Variants in C3orf52 observed in about 807,000 individuals in gnomAD.
C3orf52 encodes TPA-induced transmembrane protein.
C3orf52 carries 22 observed loss-of-function variants against 24.8 expected under a neutral mutation model. The ratio of observed to expected loss-of-function variants is 0.89; its 90% CI spans 0.63 to 1.27. The LOEUF is 1.27. Among genes scored for constraint, C3orf52 ranks in the 50% most tolerant of loss-of-function variants. The pLI, the probability that C3orf52 is intolerant of heterozygous loss-of-function variation, is 0.00. For synonymous variants in C3orf52, 93 were observed against 100.2 expected, an observed-to-expected ratio of 0.93 and a Z score of 0.43; for missense variants, 265 against 260.7, an observed-to-expected ratio of 1.02 and a Z score of -0.11.
At chr3:112,124,683 CTA>C (rs1404878805) in intron 4 of C3orf52, among the ~76,000 whole-genome samples, 1 of 152,098 alleles carries the variant, frequency 6.6e-6, no homozygotes, top group Non-Finnish European at 1.5e-5. Flanking sequence ...TAATTACCCT[CTA>C]GAGATATTTA....
At chr3:112,128,399 A>G (rs1391723257) in exon 5 of C3orf52, 2 of 423,728 alleles carry the variant, frequency 4.7e-6, no homozygotes, top group African/African-American at 2.0e-5. Flanking sequence ...AAGTGTATGG[A>G]AATTTTACAA....
intron 2 of C3orf52, among the ~76,000 whole-genome samples, chr3:112,098,075 T>C (rs2073940648): frequency 1.3e-5 from 2 of 152,252 alleles, no homozygotes; most frequent in African/African-American, 4.8e-5. Flanking sequence ...GGATTCTTGC[T>C]ACTTCATTTA....
At chr3:112,108,934 G>A (rs543901935) in intron 3 of C3orf52, among the ~76,000 whole-genome samples, 9 of 152,218 alleles carry the variant, frequency 5.9e-5, no homozygotes, top group African/African-American at 2.2e-4. Context: ...TTAAAGGGCT[G>A]AACCCAATAT....
chr3:112,133,469 T>C, downstream of C3orf52: 1 of 223,092 alleles, frequency 4.5e-6, no homozygotes, highest in Non-Finnish European at 8.8e-6. Context: ...TATTTACGTT[T>C]ATAAATCACG....
chr3:112,107,380 C>A (rs948067936), intron 3 of C3orf52, among the ~76,000 whole-genome samples: 1 of 152,198 alleles, frequency 6.6e-6, no homozygotes, highest in South Asian at 2.1e-4. Flanking sequence ...ACAGCATCCC[C>A]GTGAAAGCTG....
intron 1 of C3orf52, among the ~76,000 whole-genome samples, chr3:112,092,318 T>A (rs889195126): frequency 6.6e-6 from 1 of 152,242 alleles, no homozygotes; most frequent in Non-Finnish European, 1.5e-5. Flanking sequence ...AAGTGGTATA[T>A]CTTGGTTTGG....
intron 1 of C3orf52, among the ~76,000 whole-genome samples, chr3:112,088,807 A>G (rs144479943): frequency 8.3e-4 from 126 of 152,344 alleles, no homozygotes; most frequent in African/African-American, 2.8e-3. Flanking sequence ...TAGGCAATTT[A>G]AGTGAGCTAG....
intron 3 of C3orf52, among the ~76,000 whole-genome samples, chr3:112,103,619 G>A (rs1049983311): frequency 2.0e-5 from 3 of 152,182 alleles, no homozygotes; most frequent in Non-Finnish European, 4.4e-5. Context: ...TAAAAAGATC[G>A]TTTTATAATA....
At chr3:112,092,641 G>T (rs531612839) in intron 1 of C3orf52, among the ~76,000 whole-genome samples, 1 of 152,350 alleles carries the variant, frequency 6.6e-6, no homozygotes, top group Admixed American at 6.5e-5. Flanking sequence ...TAAGTGAAAT[G>T]ACGCTGGTGC....
At chr3:112,103,308 C>T (rs532836530) in intron 3 of C3orf52, among the ~76,000 whole-genome samples, 2 of 152,160 alleles carry the variant, frequency 1.3e-5, no homozygotes, top group African/African-American at 4.8e-5. Flanking sequence ...TACAACAAAC[C>T]GCCATGACAC....
At chr3:112,132,871 C>G (rs906283669), downstream of C3orf52, 2 of 514,856 alleles carry the variant, frequency 3.9e-6, no homozygotes, top group African/African-American at 4.0e-5. Flanking sequence ...CAGCTATTCT[C>G]CATCAGCTGC....
intron 1 of C3orf52, among the ~76,000 whole-genome samples, chr3:112,092,941 T>C (rs567110448): frequency 5.9e-5 from 9 of 152,352 alleles, no homozygotes; most frequent in African/African-American, 2.2e-4. Context: ...CAATCTATTC[T>C]GGGACAGCTA....
chr3:112,130,739 A>G (rs1030091395), downstream of C3orf52: 34 of 554,030 alleles, frequency 6.1e-5, no homozygotes, highest in African/African-American at 4.6e-4. Flanking sequence ...ATGTTCTCCA[A>G]CCTCCATGAA....
In C3orf52 at chr3:112,108,929, GGGCTGAACC is replaced by G; in HGVS notation, c.397-613_397-605del. Reference sequence around the variant, plus strand: ...GCTTTATTTTGTTTCTTAAATTAAAGGGCTGAACCCAATATAGCAAATATGAAGACATGA... The same window carrying G: ...GCTTTATTTTGTTTCTTAAATTAAAGCAATATAGCAAATATGAAGACATGA... On this transcript the variant is annotated intron_variant, in intron 3 of 5. Coordinates refer to ENST00000264848, the MANE Select transcript of C3orf52 (RefSeq NM_024616.3). Among the ~76,000 whole-genome samples, 5 of 152,264 alleles carry G rather than the reference GGGCTGAACC, an allele frequency of 3.3e-5. No individual in the cohort carries two copies. In the South Asian group the frequency reaches 1.0e-3, roughly 32 times the overall value.
chr3:112,109,572 T>C lies in C3orf52; in HGVS notation c.426T>C (p.Ser142=). ...RLTDVYSTSP[S]LGRYFTSVEI... ...CAGATGTGTACAGTACATCGCCCTC[T>C]CTGGGTCGTTATTTTACTTCAGTTG... Residue 142 remains serine, a synonymous_variant, in exon 4 of 6, where the codon TCT becomes TCC. Coordinates refer to ENST00000264848, the MANE Select transcript of C3orf52 (RefSeq NM_024616.3). 6.2e-7 allele frequency: 1 copy of C among 1,602,916 alleles called. No homozygotes were observed. The highest frequency in any genetic ancestry group is 8.5e-7 in the Non-Finnish European group (1 of 1,170,392).
Position 112,093,434 on chromosome 3 carries a change from C to T in C3orf52, c.213C>T (p.Thr71=), listed in dbSNP as rs746210347. Residue 71 remains threonine, a synonymous_variant, in exon 2 of 6, where the codon ACC becomes ACT. Transcript: ENST00000264848. Reference sequence around the variant, plus strand: ...GATGCAAACTGTGGATGATCATCACCTCCATTTTCCTAGGTGTCATTACAG... The same window carrying T: ...GATGCAAACTGTGGATGATCATCACTTCCATTTTCCTAGGTGTCATTACAG... ...VGRCKLWMII[T]SIFLGVITVI... 9 of 1,613,648 alleles carry T rather than the reference C, an allele frequency of 5.6e-6. 1 individual carries two copies. Among genetic ancestry groups the T allele is most frequent in the African/African-American group, 5.3e-5 (4 of 74,922 alleles).
At chr3:112,100,609 C>T (rs760677566) in intron 2 of C3orf52, among the ~76,000 whole-genome samples, 3 of 152,148 alleles carry the variant, frequency 2.0e-5, no homozygotes, top group Non-Finnish European at 4.4e-5. Context: ...GTTATTTGAA[C>T]CTTGTATCTA....
chr3:112,120,318 T>C (rs1417473371), downstream of C3orf52, among the ~76,000 whole-genome samples: 2 of 152,232 alleles, frequency 1.3e-5, no homozygotes, highest in Non-Finnish European at 2.9e-5. Flanking sequence ...TTTCCTGTTC[T>C]GTCCATGCCC....
chr3:112,101,117 A>T (rs1176276288), intron 2 of C3orf52, among the ~76,000 whole-genome samples: 1 of 152,188 alleles, frequency 6.6e-6, no homozygotes, highest in Non-Finnish European at 1.5e-5. Context: ...GGACGCAGGG[A>T]TAATTCCCTA....
Sources: gnomAD v4.1 joint callset for allele counts (sites outside exome capture counted in the v4.1 genomes callset) on GRCh38, gnomAD v4.1.1 for gene constraint, MANE v1.5 for transcripts, NCBI Gene and HGNC (gene_info 2026-07-23, HGNC 2026-07-21) for gene names.